Variants in SLC24A3 observed in about 807,000 individuals in gnomAD.
SLC24A3 encodes sodium/potassium/calcium exchanger 3.
SLC24A3 carries 28 observed loss-of-function variants against 75.8 expected under a neutral mutation model. The observed-to-expected ratio is 0.37, with a 90% CI of 0.27 to 0.51. The LOEUF is 0.51. Among genes scored for constraint, SLC24A3 ranks in the 20% least tolerant of loss-of-function variants. The probability of loss-of-function intolerance (pLI) is 0.94; values close to 1 mark genes in which losing one functional copy is unlikely to be tolerated. For missense variants in SLC24A3, 663 were observed against 847.8 expected, an observed-to-expected ratio of 0.78 and a Z score of 2.71; for synonymous variants, 372 against 334.1, an observed-to-expected ratio of 1.11 and a Z score of -1.24.
At chr20:19,547,843 C>G (rs1343445354) in intron 3 of SLC24A3, among the ~76,000 whole-genome samples, 1 of 152,236 alleles carries the variant, frequency 6.6e-6, no homozygotes, top group Admixed American at 6.5e-5. Context: ...TCTGTCCTCT[C>G]TCTAATTAAA....
At chr20:19,338,582 T>G (rs1231247577) in intron 2 of SLC24A3, among the ~76,000 whole-genome samples, 1 of 152,226 alleles carries the variant, frequency 6.6e-6, no homozygotes, top group African/African-American at 2.4e-5. Context: ...ATGCCTGTTC[T>G]ATTTCAGCCA....
At chr20:19,472,804 C>T (rs559016331) in intron 2 of SLC24A3, among the ~76,000 whole-genome samples, 1 of 152,264 alleles carries the variant, frequency 6.6e-6, no homozygotes, top group South Asian at 2.1e-4. Flanking sequence ...GGAAGAGAAA[C>T]CACCCCATTT....
chr20:19,660,429 G>A (rs532062147), intron 7 of SLC24A3, among the ~76,000 whole-genome samples: 6 of 152,006 alleles, frequency 3.9e-5, no homozygotes, highest in Non-Finnish European at 8.8e-5. Context: ...TAGAATAATG[G>A]CCTCCAGGTC....
chr20:19,466,906 T>C (rs888568051), intron 2 of SLC24A3, among the ~76,000 whole-genome samples: 6 of 152,298 alleles, frequency 3.9e-5, no homozygotes, highest in African/African-American at 1.4e-4. Context: ...CCACTACATG[T>C]CAGGGCTTAT....
At chr20:19,233,526 G>A (rs1377423820) in intron 1 of SLC24A3, among the ~76,000 whole-genome samples, 2 of 152,202 alleles carry the variant, frequency 1.3e-5, no homozygotes, top group African/African-American at 2.4e-5. Flanking sequence ...GGAGGAGGAA[G>A]GGGAGACAAG....
chr20:19,243,731 C>A (rs1487176286), intron 1 of SLC24A3: 2 of 152,476 alleles, frequency 1.3e-5, no homozygotes, highest in South Asian at 2.1e-4. Flanking sequence ...TGTTTCTCAT[C>A]TGCTAGGGCT....
chr20:19,329,131 G>A (rs1984936523), intron 2 of SLC24A3, among the ~76,000 whole-genome samples: 1 of 152,140 alleles, frequency 6.6e-6, no homozygotes, highest in Non-Finnish European at 1.5e-5. Flanking sequence ...GAGGATGGAA[G>A]GGGAAGGATT....
intron 2 of SLC24A3, among the ~76,000 whole-genome samples, chr20:19,346,565 A>G (rs1043026105): frequency 2.0e-5 from 3 of 151,948 alleles, no homozygotes; most frequent in Non-Finnish European, 4.4e-5. Context: ...ATTAGAGACT[A>G]TTATTCAAAG....
chr20:19,596,700 G>A lies in SLC24A3; in HGVS notation c.612+11156G>A, dbSNP rs565210252. On this transcript the variant is annotated intron_variant, in intron 6 of 16. Coordinates refer to ENST00000328041, the MANE Select transcript of SLC24A3 (RefSeq NM_020689.4). ...TGGCTCCTTCTAGGACTTCAGATACGGTGACACCTATGTCCTGGATAGCAC... is the reference window on the plus strand; with the variant it reads ...TGGCTCCTTCTAGGACTTCAGATACAGTGACACCTATGTCCTGGATAGCAC... Among the ~76,000 whole-genome samples, 15 of 152,268 alleles carry A rather than the reference G, an allele frequency of 9.9e-5. 1 individual carries two copies. Among genetic ancestry groups the A allele is most frequent in the African/African-American group, 3.6e-4 (15 of 41,544 alleles).
At chr20:19,529,512 C>G (rs894989573) in intron 3 of SLC24A3, among the ~76,000 whole-genome samples, 3 of 152,188 alleles carry the variant, frequency 2.0e-5, no homozygotes, top group Admixed American at 1.3e-4. Context: ...CAAGCATGGC[C>G]CTTGATCAGG....
At chr20:19,666,289 G>A (rs2032398459) in intron 8 of SLC24A3, among the ~76,000 whole-genome samples, 2 of 150,484 alleles carry the variant, frequency 1.3e-5, no homozygotes, top group Admixed American at 6.6e-5. Context: ...GGTGGATCAC[G>A]AGGTCAGGAG....
At chr20:19,237,742 G>A (rs1285263973) in intron 1 of SLC24A3, among the ~76,000 whole-genome samples, 1 of 152,172 alleles carries the variant, frequency 6.6e-6, no homozygotes, top group African/African-American at 2.4e-5. Flanking sequence ...GGGAGATTGA[G>A]CAGGAGAGAT....
intron 2 of SLC24A3, among the ~76,000 whole-genome samples, chr20:19,318,954 C>G (rs1244882789): frequency 6.6e-6 from 1 of 152,004 alleles, no homozygotes; most frequent in Non-Finnish European, 1.5e-5. Context: ...CAGTTCTTCC[C>G]CTTGTTACCA....
intron 2 of SLC24A3, among the ~76,000 whole-genome samples, chr20:19,384,394 T>G (rs1381500127): frequency 6.6e-6 from 1 of 152,180 alleles, no homozygotes; most frequent in Non-Finnish European, 1.5e-5. Context: ...GAGCTTGACT[T>G]TTTTAGATTC....
chr20:19,708,601 C>A lies in SLC24A3; in HGVS notation c.1720-8927C>A, dbSNP rs534770158. On this transcript the variant is annotated intron_variant, in intron 15 of 16. Coordinates refer to ENST00000328041, the MANE Select transcript of SLC24A3 (RefSeq NM_020689.4). Reference sequence around the variant, plus strand: ...TTCATAGCTTCCTCTGGCGATGCCACGTTGGTAGCTTGAAATCAGCCATGA... The same window carrying A: ...TTCATAGCTTCCTCTGGCGATGCCAAGTTGGTAGCTTGAAATCAGCCATGA... Among the ~76,000 whole-genome samples, 3 of 152,322 alleles carry A rather than the reference C, an allele frequency of 2.0e-5. No homozygotes were observed. In the East Asian group the frequency reaches 5.8e-4, roughly 29 times the overall value.
At chr20:19,657,025 A>G (rs1244063727) in intron 7 of SLC24A3, among the ~76,000 whole-genome samples, 2 of 152,222 alleles carry the variant, frequency 1.3e-5, no homozygotes, top group Non-Finnish European at 2.9e-5. Flanking sequence ...GGTGCAGCAT[A>G]TAAACCCCAG....
intron 2 of SLC24A3, among the ~76,000 whole-genome samples, chr20:19,473,832 C>G (rs1987915509): frequency 6.6e-6 from 1 of 152,242 alleles, no homozygotes; most frequent in Non-Finnish European, 1.5e-5. Context: ...CCCCAGTGAC[C>G]TCTCACTGTC....
In SLC24A3 at chr20:19,580,068, C is replaced by A; in HGVS notation, c.417C>A (p.Ile139=). Residue 139 remains isoleucine (I), a synonymous_variant, in exon 4 of 17, where the codon ATC becomes ATA. Coordinates refer to ENST00000328041, the MANE Select transcript of SLC24A3 (RefSeq NM_020689.4). ...DDFFVPSLEK[I]CERLHLSEDV... is the part of the protein sequence containing the mutation. ...TCTTCGTCCCTTCCTTGGAAAAGAT[C>A]TGTGAGGTACGTGCCTCACATTCTT... 1 of 1,613,482 alleles carries A rather than the reference C, an allele frequency of 6.2e-7. No individual in the cohort carries two copies. The highest frequency in any genetic ancestry group is 8.5e-7 in the Non-Finnish European group (1 of 1,179,406).
At chr20:19,596,977 C>T (rs959968258) in intron 6 of SLC24A3, among the ~76,000 whole-genome samples, 11 of 152,358 alleles carry the variant, frequency 7.2e-5, no homozygotes, top group African/African-American at 2.6e-4. Context: ...GCTGCAATAT[C>T]ATTAGCATGT....
Sources: allele counts gnomAD v4.1 joint callset (sites outside exome capture counted in the v4.1 genomes callset), GRCh38; gene constraint gnomAD v4.1.1; transcripts MANE v1.5; gene names NCBI Gene and HGNC (gene_info 2026-07-23, HGNC 2026-07-21).